The following ANO10 variants were observed in gnomAD, a reference collection of about 807,000 sequenced individuals.
The protein encoded by ANO10 is anoctamin 10, also known as anoctamin-10.
Under a neutral mutation model 74.7 loss-of-function variants are expected in ANO10, and 77 were observed. The ratio of observed to expected loss-of-function variants is 1.03; its 90% confidence interval spans 0.86 to 1.25. The LOEUF is 1.25. Among genes scored for constraint, ANO10 ranks in the 50% most tolerant of loss-of-function variants. ANO10 has a pLI of 0.00. For synonymous variants in ANO10, 279 were observed against 284.9 expected (o/e 0.98, Z 0.21); for missense variants, 721 against 778.1 (o/e 0.93, Z 0.87).
At chr3:43,688,319 G>A (rs188495061) in intron 1 of ANO10, among the ~76,000 whole-genome samples, 109 of 152,232 alleles carry the variant, frequency 7.2e-4, no homozygotes, top group Admixed American at 2.1e-3. Context: ...GTTCCAGGCG[G>A]TAGGGTCTTC....
chr3:43,607,660 G>T (rs1206854995), intron 1 of ANO10, among the ~76,000 whole-genome samples: 1 of 152,108 alleles, frequency 6.6e-6, no homozygotes, highest in East Asian at 1.9e-4. Flanking sequence ...CAGGAGAAAA[G>T]TTACTACGTA....
chr3:43,646,738 G>T (rs1289189106), intron 1 of ANO10, among the ~76,000 whole-genome samples: 1 of 152,058 alleles, frequency 6.6e-6, no homozygotes, highest in Non-Finnish European at 1.5e-5. Context: ...TTGAACTCCT[G>T]ACCTCAGGTG....
chr3:43,410,744 C>A (rs1575704042), intron 12 of ANO10, among the ~76,000 whole-genome samples: 1 of 152,238 alleles, frequency 6.6e-6, no homozygotes, highest in East Asian at 1.9e-4. Flanking sequence ...TCCATTCCAA[C>A]TTACTCAGCC....
intron 1 of ANO10, among the ~76,000 whole-genome samples, chr3:43,632,339 G>A (rs1207440994): frequency 6.6e-6 from 1 of 152,222 alleles, no homozygotes; most frequent in East Asian, 1.9e-4. Flanking sequence ...CTAGAGAGAG[G>A]TAAGAGAGTG....
chr3:43,467,241 A>G (rs1310978911), intron 11 of ANO10, among the ~76,000 whole-genome samples: 2 of 152,210 alleles, frequency 1.3e-5, no homozygotes, highest in African/African-American at 2.4e-5. Flanking sequence ...TCATTCCACT[A>G]AAGTATTTAC....
chr3:43,440,014 T>C (rs1261710550), intron 11 of ANO10, among the ~76,000 whole-genome samples: 3 of 151,580 alleles, frequency 2.0e-5, no homozygotes, highest in Non-Finnish European at 2.9e-5. Context: ...ATCCCCATGA[T>C]AACTACAAAG....
intron 1 of ANO10, chr3:43,691,066 T>G: frequency 6.5e-7 from 1 of 1,529,480 alleles, no homozygotes; most frequent in Non-Finnish European, 8.8e-7. Context: ...GGGGGCTTCG[T>G]GTGTCTCCGG....
At chr3:43,676,328 T>C (rs1575589528) in intron 1 of ANO10, among the ~76,000 whole-genome samples, 1 of 150,530 alleles carries the variant, frequency 6.6e-6, no homozygotes, top group Non-Finnish European at 1.5e-5. Flanking sequence ...CTAGGCATGG[T>C]GGTAAGCATG....
chr3:43,587,384 C>G (rs1166749044), intron 4 of ANO10, among the ~76,000 whole-genome samples: 5 of 152,146 alleles, frequency 3.3e-5, no homozygotes, highest in Admixed American at 2.6e-4. Flanking sequence ...AGGAGCTGCA[C>G]AGAGAAACGG....
chr3:43,600,814 T>G (rs2082308783), intron 2 of ANO10, among the ~76,000 whole-genome samples: 3 of 152,124 alleles, frequency 2.0e-5, no homozygotes, highest in Non-Finnish European at 2.9e-5. Context: ...TGCCACTTAT[T>G]CAAATGAGAA....
intron 1 of ANO10, among the ~76,000 whole-genome samples, chr3:43,661,099 T>C (rs1436260056): frequency 6.6e-6 from 1 of 152,056 alleles, no homozygotes; most frequent in Non-Finnish European, 1.5e-5. Flanking sequence ...AGAAACATAA[T>C]TGTCAGATTC....
intron 1 of ANO10, among the ~76,000 whole-genome samples, chr3:43,657,384 A>G (rs2083869844): frequency 6.6e-6 from 1 of 152,210 alleles, no homozygotes; most frequent in South Asian, 2.1e-4. Flanking sequence ...GTCATGTTGT[A>G]GGAGTACGCA....
intron 1 of ANO10, among the ~76,000 whole-genome samples, chr3:43,675,442 G>A (rs964496962): frequency 3.3e-5 from 5 of 152,074 alleles, no homozygotes; most frequent in Non-Finnish European, 5.9e-5. Flanking sequence ...TGAAGAGGAT[G>A]AAAAGATAAG....
intron 1 of ANO10, among the ~76,000 whole-genome samples, chr3:43,619,444 T>G (rs929863138): frequency 5.9e-5 from 9 of 152,248 alleles, no homozygotes; most frequent in African/African-American, 2.2e-4. Context: ...CATCGTCATC[T>G]AAGATGTTCA....
chr3:43,449,515 C>CTT (rs61265406), intron 11 of ANO10, among the ~76,000 whole-genome samples: 2,990 of 107,132 alleles, frequency 0.028, 189 homozygotes, highest in Middle Eastern at 0.047. Flanking sequence ...TATCTAGATT[C>CTT]TTTTTTTTTT....
Position 43,563,273 on chromosome 3 carries a change from C to A in ANO10, c.1294-1871G>T, listed in dbSNP as rs574662873. On this transcript the variant is annotated intron_variant, in intron 8 of 12. Transcript: ENST00000292246. ...AATCAAAGCCACAATGAGATATCAT[C>A]CTACTCCAAATAGAATTGCTATTAT... Among the ~76,000 whole-genome samples the A allele has an allele frequency of 2.0e-5, 3 of 152,238 alleles. No individual in the cohort carries two copies. The East Asian group carries it at 5.8e-4, about 29-fold the overall frequency.
chr3:43,485,022 G>A (rs1391291184), intron 11 of ANO10: 34 of 1,459,846 alleles, frequency 2.3e-5, no homozygotes, highest in Non-Finnish European at 2.8e-5. Flanking sequence ...TTGTGCTGAC[G>A]GCTCAGGACC....
At chr3:43,478,851 A>C in intron 11 of ANO10, among the ~76,000 whole-genome samples, 1 of 152,230 alleles carries the variant, frequency 6.6e-6, no homozygotes, top group Non-Finnish European at 1.5e-5. Flanking sequence ...ATATCCTTAG[A>C]CTTCCAAATT....
At chr3:43,596,785 C>T (rs929789234) in intron 4 of ANO10, among the ~76,000 whole-genome samples, 2 of 152,168 alleles carry the variant, frequency 1.3e-5, no homozygotes, top group African/African-American at 4.8e-5. Flanking sequence ...AACCAAAGAG[C>T]TTCTGCACAG....
Sources: gnomAD v4.1 joint callset for allele counts (sites outside exome capture counted in the v4.1 genomes callset) on GRCh38, gnomAD v4.1.1 for gene constraint, MANE v1.5 for transcripts, NCBI Gene and HGNC (gene_info 2026-07-23, HGNC 2026-07-21) for gene names.